The following CREBBP variants were observed in gnomAD, a reference collection of about 807,000 sequenced individuals.
CREBBP encodes CREB-binding protein.
A neutral mutation model predicts 265.0 loss-of-function variants in CREBBP; 19 were observed. The ratio of observed to expected loss-of-function variants is 0.07; its 90% CI spans 0.05 to 0.11. CREBBP has a LOEUF of 0.11. CREBBP is among the 10% of genes least tolerant of loss of function. The pLI is 1.00. For missense variants in CREBBP, 2,525 were observed against 3,219.0 expected (o/e 0.78, Z 5.22); for synonymous variants, 1,457 against 1,223.7 (o/e 1.19, Z -3.98).
intron 23 of CREBBP, 23 bp from the exon 24 acceptor site, chr16:3,740,572 G>T: frequency 6.2e-7 from 1 of 1,614,084 alleles, no homozygotes; most frequent in Non-Finnish European, 8.5e-7. Context: ...GAAGGAGCAG[G>T]TGAGAGGGCT....
intron 28 of CREBBP, among the ~76,000 whole-genome samples, chr16:3,733,816 A>G (rs191039242): frequency 2.0e-5 from 3 of 152,152 alleles, no homozygotes; most frequent in Admixed American, 6.5e-5. Flanking sequence ...TAATTTTTGT[A>G]TTTTTAGTAG....
intron 21 of CREBBP, among the ~76,000 whole-genome samples, chr16:3,749,290 C>A (rs570200507): frequency 2.7e-4 from 41 of 152,242 alleles, no homozygotes; most frequent in African/African-American, 9.9e-4. Flanking sequence ...CTAGTACTAC[C>A]CCACCAAATA....
intron 16 of CREBBP, among the ~76,000 whole-genome samples, chr16:3,764,803 G>T (rs1004948739): frequency 6.6e-6 from 1 of 151,904 alleles, no homozygotes; most frequent in Non-Finnish European, 1.5e-5. Context: ...GGCTAGTCTT[G>T]AACTCCTGGC....
chr16:3,788,546 A>G (rs1319568657), intron 5 of CREBBP, among the ~76,000 whole-genome samples: 1 of 152,238 alleles, frequency 6.6e-6, no homozygotes, highest in African/African-American at 2.4e-5. Flanking sequence ...GGACTGACAT[A>G]AGATACTTAT....
chr16:3,796,957 G>C (rs1020425856), intron 3 of CREBBP, among the ~76,000 whole-genome samples: 1 of 152,194 alleles, frequency 6.6e-6, no homozygotes, highest in Non-Finnish European at 1.5e-5. Context: ...TCTGGGACTA[G>C]CTTAGTTTTG....
chr16:3,829,800 C>G (rs1285922197), intron 2 of CREBBP, among the ~76,000 whole-genome samples: 2 of 152,238 alleles, frequency 1.3e-5, no homozygotes, highest in East Asian at 1.9e-4. Flanking sequence ...TGCCAAGGAG[C>G]AGGAAGATGT....
At chr16:3,763,844 CTTTTTTTT>C (rs763039340) in intron 16 of CREBBP, among the ~76,000 whole-genome samples, 25 of 134,348 alleles carry the variant, frequency 1.9e-4, no homozygotes, top group Admixed American at 5.3e-4. Context: ...AAAAAGCAAT[CTTTTTTTT>C]TTTTTTTTTT....
In CREBBP at chr16:3,728,636, G is replaced by C. The variant is rs1347276867; in HGVS notation, c.6411C>G (p.Pro2137=). 1 of 1,613,562 alleles carries C rather than the reference G, an allele frequency of 6.2e-7. No homozygotes were observed. The highest frequency in any genetic ancestry group is 2.2e-5 in the East Asian group (1 of 44,882). ...GCATGGCATTCAGGTTCTGCAGGCT[G>C]GGCTGCTGGTGCATGCCAGGCTGGG... ...MQPQPGMHQQ[P]SLQNLNAMQA... The change falls in exon 31 of 31, where the codon CCC becomes CCG. Residue 2137 remains proline, a synonymous_variant. Transcript: ENST00000262367. The surrounding 1 kb of genome is among the most constrained non-coding windows in gnomAD (Gnocchi z 8.7).
Position 3,849,451 on chromosome 16 carries a change from GTGT to G in CREBBP, c.798+843_798+845del, listed in dbSNP as rs1567360785. On this transcript the variant is annotated intron_variant, in intron 2 of 30. Coordinates refer to ENST00000262367, the MANE Select transcript of CREBBP (RefSeq NM_004380.3). ...TGTGTGTGTGTGTGTGTGTGTGTGT[GTGT>G]GTGTGTGTGTGTGTGTGTGTGTGTG... Among the ~76,000 whole-genome samples the G allele has an allele frequency of 1.8e-3, 113 of 64,336 alleles. 7 individuals are homozygous for G. Among genetic ancestry groups the G allele is most frequent in the Non-Finnish European group, 2.9e-3 (78 of 26,768 alleles). 42.2% of individuals were successfully genotyped at this position (64,336 alleles called of 152,430 possible). A position where few individuals can be genotyped will look rare whatever the true frequency, so the allele number is the denominator to read the frequency against.
At chr16:3,872,478 G>A (rs377706819) in intron 1 of CREBBP, among the ~76,000 whole-genome samples, 1 of 152,142 alleles carries the variant, frequency 6.6e-6, no homozygotes, top group African/African-American at 2.4e-5. Context: ...TGCTCCCAAG[G>A]CTTACACTTC....
In CREBBP at chr16:3,729,037, G is replaced by T; in HGVS notation, c.6010C>A (p.Arg2004=). The change falls in exon 31 of 31, where the codon CGA becomes AGA. Residue 2004 remains arginine, a synonymous_variant. Transcript: ENST00000262367. ...ACGGGCCCGCTCACCTGGTTGGGTC[G>T]GGGCACATTCAGGCTCACGGGGGCC... The part of the protein sequence containing the change: ...QMAPVSLNVP[R]PNQVSGPVMP... 1 of 1,589,132 alleles carries T rather than the reference G, an allele frequency of 6.3e-7. No individual in the cohort carries two copies. Among genetic ancestry groups the T allele is most frequent in the African/African-American group, 1.3e-5 (1 of 74,700 alleles).
rs2051722859 is a variant in CREBBP at position 3,725,652 on chromosome 16, T to C, written c.*2066A>G. On this transcript the variant is annotated 3_prime_UTR_variant, in exon 31 of 31. Coordinates refer to ENST00000262367, the MANE Select transcript of CREBBP (RefSeq NM_004380.3). ...GATGGTGGTCTTATTTTTACTTGAATTATTCTGCATTTTATAACTCAAGGT... is the reference window on the plus strand; with the variant it reads ...GATGGTGGTCTTATTTTTACTTGAACTATTCTGCATTTTATAACTCAAGGT... The C allele has an allele frequency of 4.3e-6, 1 of 233,194 alleles. No individual in the cohort carries two copies. The highest frequency in any genetic ancestry group is 8.5e-6 in the Non-Finnish European group (1 of 118,062). The allele number at this position is 233,194 out of a possible 1,614,324, so 14.4% of individuals were successfully genotyped here. A position where few individuals can be genotyped will look rare whatever the true frequency, so the allele number is the denominator to read the frequency against.
chr16:3,795,382 C>A (rs1328243820), intron 3 of CREBBP, among the ~76,000 whole-genome samples: 1 of 152,000 alleles, frequency 6.6e-6, no homozygotes, highest in East Asian at 1.9e-4. Flanking sequence ...AGGTTTTTTT[C>A]CCTTCTTTTT....
chr16:3,850,253 C>T, intron 2 of CREBBP, 44 bp downstream of exon 2: 1 of 1,606,438 alleles, frequency 6.2e-7, no homozygotes, highest in African/African-American at 1.3e-5. Context: ...GAGGGAAAGC[C>T]CGCGGTTAGG....
Position 3,827,983 on chromosome 16 carries a change from CACCTGGCCAAGATCACTTTAAAAAAT to C in CREBBP, c.799-17230_799-17205del, listed in dbSNP as rs2054271021. 3.3e-5 allele frequency among the ~76,000 whole-genome samples: 5 copies of C among 152,324 alleles called. No homozygotes were observed. The South Asian group carries it at 1.0e-3, about 32-fold the overall frequency. ...TTGGGATTGCAGGTGTGAACCACTG[CACCTGGCCAAGATCACTTTAAAAAAT>C]AATGTTTAAGAAAATTAATTATGCT... On this transcript the variant is annotated intron_variant, in intron 2 of 30. Transcript: ENST00000262367.
chr16:3,729,900 C>G (rs746404025), intron 30 of CREBBP, 26 bp from the exon 31 acceptor site: 1 of 1,598,678 alleles, frequency 6.3e-7, no homozygotes, highest in Non-Finnish European at 8.5e-7. Flanking sequence ...GGGGACAGGC[C>G]GGTGTCAGCA....
chr16:3,821,992 TTGCAGTGAGCCAAGATTGCACCAC>T (rs2054149791), intron 2 of CREBBP, among the ~76,000 whole-genome samples: 1 of 151,994 alleles, frequency 6.6e-6, no homozygotes, highest in Non-Finnish European at 1.5e-5. Context: ...GAGTAGGAGG[TTGCAGTGAGCCAAGATTGCACCAC>T]TGCACTCCAG....
intron 9 of CREBBP, among the ~76,000 whole-genome samples, chr16:3,778,476 G>C (rs956515806): frequency 2.0e-5 from 3 of 152,148 alleles, no homozygotes; most frequent in Non-Finnish European, 4.4e-5. Context: ...ATATCCCATG[G>C]ATATAATGTA....
chr16:3,777,340 A>C (rs576752604), intron 11 of CREBBP, among the ~76,000 whole-genome samples: 2 of 151,986 alleles, frequency 1.3e-5, no homozygotes, highest in Non-Finnish European at 2.9e-5. Flanking sequence ...ATCTCAAAAA[A>C]ATAAAAATAA....
Sources: allele counts gnomAD v4.1 joint callset (sites outside exome capture counted in the v4.1 genomes callset), GRCh38; gene constraint gnomAD v4.1.1; non-coding constraint Gnocchi (gnomAD v3.1); transcripts MANE v1.5; gene names NCBI Gene and HGNC (gene_info 2026-07-23, HGNC 2026-07-21).